CBFA2T3: variants seen among roughly 807,000 people sequenced by gnomAD.
CBFA2T3 encodes CBFA2/RUNX1 partner transcriptional co-repressor 3.
Under a neutral mutation model 58.6 loss-of-function variants are expected in CBFA2T3, and 31 were observed. That is an observed-to-expected ratio of 0.53 (90% confidence interval 0.40 to 0.71). The LOEUF (loss-of-function observed/expected upper bound fraction) is 0.71. Ranked by LOEUF, CBFA2T3 falls within the 30% of genes least tolerant of loss-of-function variation. CBFA2T3 has a pLI of 0.00. For synonymous variants in CBFA2T3, 531 were observed against 421.9 expected (o/e 1.26, Z -3.17); for missense variants, 1,076 against 963.1 (o/e 1.12, Z -1.55).
intron 1 of CBFA2T3, among the ~76,000 whole-genome samples, chr16:88,915,798 A>G (rs1970698731): frequency 6.6e-6 from 1 of 151,296 alleles, no homozygotes; most frequent in Non-Finnish European, 1.5e-5. Flanking sequence ...TGGGCTAGAC[A>G]CAGGGTGGGC....
chr16:88,880,522 G>C (rs1423903828), intron 10 of CBFA2T3, among the ~76,000 whole-genome samples, 198 bp downstream of exon 10: 1 of 152,234 alleles, frequency 6.6e-6, no homozygotes, highest in Non-Finnish European at 1.5e-5. Flanking sequence ...TTCCTGGTAG[G>C]CGCAGGTAGC....
At chr16:88,915,777 G>T (rs535674841) in intron 1 of CBFA2T3, among the ~76,000 whole-genome samples, 466 of 150,772 alleles carry the variant, frequency 3.1e-3, no homozygotes, top group African/African-American at 0.011. Context: ...TGCAGAGAAC[G>T]AGCAGACACG....
chr16:88,948,565 C>G (rs549620749), intron 1 of CBFA2T3, among the ~76,000 whole-genome samples: 1 of 152,226 alleles, frequency 6.6e-6, no homozygotes, highest in African/African-American at 2.4e-5. Context: ...AGTCCGGGCT[C>G]CGGACAGGAG....
intron 1 of CBFA2T3, among the ~76,000 whole-genome samples, chr16:88,908,382 C>A (rs535763615): frequency 1.3e-5 from 2 of 152,244 alleles, no homozygotes; most frequent in South Asian, 4.2e-4. Context: ...ATTCCCAGAC[C>A]CTGGAGGCCG....
chr16:88,973,405 C>T lies in CBFA2T3; in HGVS notation c.151+3252G>A, dbSNP rs376904050. ...GCAGGACCTGGAGGAGCACGGCCAT[C>T]TGACGCCTTAGTTTCGGACTTCCAG... On this transcript the variant is annotated intron_variant, in intron 1 of 11. Coordinates refer to ENST00000268679, the MANE Select transcript of CBFA2T3 (RefSeq NM_005187.6). Among the ~76,000 whole-genome samples, 159 of 152,288 alleles carry T rather than the reference C, an allele frequency of 1.0e-3. 2 individuals are homozygous for T. In the South Asian group the frequency reaches 0.02, roughly 19 times the overall value.
At position 88,885,036 on chromosome 16, in the gene CBFA2T3, G is replaced by T; in HGVS notation, c.1117+10C>A. ...ACGCGTCCACGCTCCCGCCCCACCG[G>T]GCTGCTCACCAAGCGGCCGATGGCG... On this transcript the variant is annotated intron_variant, in intron 7 of 11. Transcript: ENST00000268679. This position sits in a 1 kb window ranked among gnomAD's most constrained non-coding sequence, Gnocchi z 5.3. 6.3e-7 allele frequency: 1 copy of T among 1,588,604 alleles called. No individual in the cohort carries two copies.
intron 1 of CBFA2T3, among the ~76,000 whole-genome samples, chr16:88,921,070 G>A (rs1032740102): frequency 6.6e-6 from 1 of 152,220 alleles, no homozygotes; most frequent in Non-Finnish European, 1.5e-5. Context: ...CCCCACCCTG[G>A]GCCTTCCCCC....
chr16:88,954,381 C>G lies in CBFA2T3; in HGVS notation c.151+22276G>C, dbSNP rs1481417237. Among the ~76,000 whole-genome samples the G allele has an allele frequency of 6.5e-3, 829 of 127,494 alleles. 19 individuals carry two copies. Among genetic ancestry groups the G allele is most frequent in the African/African-American group, 0.027 (761 of 27,966 alleles). The allele number at this position is 127,494 out of a possible 152,430, so 83.6% of individuals were successfully genotyped here. On this transcript the variant is annotated intron_variant, in intron 1 of 11. Coordinates refer to ENST00000268679, the MANE Select transcript of CBFA2T3 (RefSeq NM_005187.6). ...ACCTCACCCAAGGCTCCTGACCCCA[C>G]CCAAGACTCCTGACCCTACCCAAGA...
intron 1 of CBFA2T3, among the ~76,000 whole-genome samples, chr16:88,909,432 G>C (rs1329753325): frequency 6.6e-6 from 1 of 152,242 alleles, no homozygotes; most frequent in Non-Finnish European, 1.5e-5. Flanking sequence ...GCAAATCCCA[G>C]GCAACCCCAG....
chr16:88,902,840 G>A lies in CBFA2T3; in HGVS notation c.152-1184C>T, dbSNP rs138791474. ...CCGGACTGCCCCGCACCCTGCTCCT[G>A]CTGACACCTGTGGGTCTCACCCACG... On this transcript the variant is annotated intron_variant, in intron 1 of 11. Transcript: ENST00000268679. Among the ~76,000 whole-genome samples the A allele has an allele frequency of 6.4e-3, 969 of 152,208 alleles. 10 individuals are homozygous for A. Among genetic ancestry groups the A allele is most frequent in the Middle Eastern group, 0.017 (5 of 294 alleles).
intron 1 of CBFA2T3, among the ~76,000 whole-genome samples, chr16:88,959,398 C>T (rs1486670029): frequency 1.3e-5 from 2 of 152,144 alleles, no homozygotes; most frequent in African/African-American, 2.4e-5. Context: ...CACGCATGCA[C>T]GCCCAGGGCT....
chr16:88,938,087 G>A (rs559819792), intron 1 of CBFA2T3: 1 of 152,498 alleles, frequency 6.6e-6, no homozygotes, highest in Non-Finnish European at 1.5e-5. Context: ...GAGCAGCCGG[G>A]ATGAGGCTGG....
intron 1 of CBFA2T3, among the ~76,000 whole-genome samples, chr16:88,905,881 G>T (rs577221417): frequency 1.3e-5 from 2 of 151,896 alleles, no homozygotes; most frequent in East Asian, 3.9e-4. Flanking sequence ...CAGGGCAGGA[G>T]ACCCATGGCT....
Position 88,976,810 on chromosome 16 carries a change from G to A in CBFA2T3, c.-3C>T. On this transcript the variant is annotated 5_prime_UTR_variant, in exon 1 of 12. Coordinates refer to ENST00000268679, the MANE Select transcript of CBFA2T3 (RefSeq NM_005187.6). ...TCCCTCAGTCTTGAAGCCGGCATGA[G>A]GAGGGCCACCCTCAGGGGCCAACCT... 4 of 1,550,404 alleles carry A rather than the reference G, an allele frequency of 2.6e-6. No homozygotes were observed. Among genetic ancestry groups the A allele is most frequent in the Non-Finnish European group, 3.5e-6 (4 of 1,145,542 alleles).
At chr16:88,932,948 G>A (rs182970694) in intron 1 of CBFA2T3, among the ~76,000 whole-genome samples, 19 of 152,020 alleles carry the variant, frequency 1.2e-4, no homozygotes, top group East Asian at 1.9e-4. Context: ...CAGCCTGGGC[G>A]ACAGAGTGAG....
chr16:88,954,586 C>CT (rs1193040857), intron 1 of CBFA2T3, among the ~76,000 whole-genome samples: 22 of 56,736 alleles, frequency 3.9e-4, no homozygotes, highest in South Asian at 7.9e-4. Flanking sequence ...GGCTCCTGAC[C>CT]CCGCCCAAGG....
intron 11 of CBFA2T3, among the ~76,000 whole-genome samples, chr16:88,877,658 C>G (rs1968889886): frequency 6.6e-6 from 1 of 152,252 alleles, no homozygotes; most frequent in South Asian, 2.1e-4. Flanking sequence ...TCCACACCCA[C>G]CCGTCCCCCT....
intron 1 of CBFA2T3, among the ~76,000 whole-genome samples, chr16:88,904,650 C>T (rs565950977): frequency 5.9e-5 from 9 of 152,200 alleles, no homozygotes; most frequent in African/African-American, 2.2e-4. Context: ...GTCCTCCCCT[C>T]CGTTCTCCAG....
At chr16:88,890,829 A>G (rs1045379953) in intron 5 of CBFA2T3, among the ~76,000 whole-genome samples, 11 of 151,946 alleles carry the variant, frequency 7.2e-5, no homozygotes, top group African/African-American at 2.7e-4. Flanking sequence ...CAATCCTCCC[A>G]CCTCAGCCTC....
Sources: gnomAD v4.1 joint callset for allele counts (sites outside exome capture counted in the v4.1 genomes callset) on GRCh38, gnomAD v4.1.1 for gene constraint, Gnocchi (gnomAD v3.1) non-coding constraint, MANE v1.5 for transcripts, NCBI Gene and HGNC (gene_info 2026-07-23, HGNC 2026-07-21) for gene names.